The following BCAS3 variants were observed in gnomAD, a reference collection of about 807,000 sequenced individuals.
BCAS3 encodes the protein BCAS3 microtubule associated cell migration factor, also known as BCAS4/BCAS3 fusion.
A neutral mutation model predicts 116.1 loss-of-function variants in BCAS3; 53 were observed. The observed-to-expected ratio is 0.46, with a 90% confidence interval of 0.37 to 0.57. The LOEUF (loss-of-function observed/expected upper bound fraction) is 0.57, where lower values mean the gene tolerates loss of function less well. Ranked by LOEUF, BCAS3 falls within the 20% of genes least tolerant of loss-of-function variation. The pLI, the probability that BCAS3 is intolerant of heterozygous loss-of-function variation, is 0.00. For synonymous variants in BCAS3, 391 were observed against 408.2 expected, an observed-to-expected ratio of 0.96 and a Z score of 0.51; for missense variants, 917 against 1,165.4, an observed-to-expected ratio of 0.79 and a Z score of 3.10.
intron 7 of BCAS3, among the ~76,000 whole-genome samples, chr17:60,841,970 C>T (rs1469524054): frequency 1.3e-5 from 2 of 151,952 alleles, no homozygotes; most frequent in African/African-American, 4.8e-5. Flanking sequence ...TTTCGAGGTG[C>T]TGGAAATGTA....
chr17:61,191,796 A>AAAAGT (rs1568544354), intron 22 of BCAS3, among the ~76,000 whole-genome samples: 1 of 151,750 alleles, frequency 6.6e-6, no homozygotes, highest in African/African-American at 2.4e-5. Flanking sequence ...AAAAGAAAAG[A>AAAAGT]AAAGAAAAGA....
At chr17:60,840,650 C>T (rs775104484) in intron 7 of BCAS3, among the ~76,000 whole-genome samples, 1 of 152,042 alleles carries the variant, frequency 6.6e-6, no homozygotes, top group Non-Finnish European at 1.5e-5. Flanking sequence ...ACGTAGAAAC[C>T]GTTGGATCTG....
intron 22 of BCAS3, among the ~76,000 whole-genome samples, chr17:61,195,543 CTT>C (rs112302026): frequency 4.9e-5 from 4 of 81,360 alleles, no homozygotes; most frequent in African/African-American, 1.1e-4. Context: ...CTTTTTCTTT[CTT>C]TTTTTTTTTT....
chr17:61,384,481 A>T (rs1161568581), intron 23 of BCAS3: 2 of 152,302 alleles, frequency 1.3e-5, no homozygotes, highest in Non-Finnish European at 2.9e-5. Context: ...ATGAGAAGTG[A>T]AGTGACTTGC....
chr17:61,043,492 G>A (rs1031391304), intron 19 of BCAS3, among the ~76,000 whole-genome samples: 3 of 151,956 alleles, frequency 2.0e-5, no homozygotes, highest in Admixed American at 2.0e-4. Flanking sequence ...AGGCTGATGA[G>A]AAAAAATAAT....
In BCAS3 at chr17:61,021,740, A is replaced by G. The variant is rs1489935599; in HGVS notation, c.1637+5839A>G. Among the ~76,000 whole-genome samples, 1 of 152,204 alleles carries G rather than the reference A, an allele frequency of 6.6e-6. No homozygotes were observed. Among genetic ancestry groups the G allele is most frequent in the African/African-American group, 2.4e-5 (1 of 41,454 alleles). ...TGGAAGCATTAAATAGCATTTATTC[A>G]GACACATCCAGTTGATATTTGTAGA... On this transcript the variant is annotated intron_variant, in intron 16 of 23. Transcript: ENST00000407086. The surrounding 1 kb of genome is among the most constrained non-coding windows in gnomAD (Gnocchi z 4.6).
chr17:60,988,136 G>T (rs1317789780), intron 14 of BCAS3, among the ~76,000 whole-genome samples: 1 of 150,670 alleles, frequency 6.6e-6, no homozygotes, highest in African/African-American at 2.4e-5. Flanking sequence ...ATTGATTTGT[G>T]TATGTTATAC....
chr17:61,146,933 A>G (rs2077250136), intron 22 of BCAS3, among the ~76,000 whole-genome samples: 1 of 152,006 alleles, frequency 6.6e-6, no homozygotes, highest in South Asian at 2.1e-4. Context: ...AAATTTTTTT[A>G]AGACAGGGTC....
Position 61,239,602 on chromosome 17 carries a change from A to G in BCAS3, c.2426-128725A>G, listed in dbSNP as rs2083310846. ...ATTTACTCTGAGTGATCATGTTTCA[A>G]TGTGTTAATGTTTTAGGAGTAGCAG... On this transcript the variant is annotated intron_variant, in intron 22 of 23. Transcript: ENST00000407086. This position sits in a 1 kb window ranked among gnomAD's most constrained non-coding sequence, Gnocchi z 4.2. 6.6e-6 allele frequency among the ~76,000 whole-genome samples: 1 copy of G among 152,238 alleles called. No homozygotes were observed. Among genetic ancestry groups the G allele is most frequent in the Non-Finnish European group, 1.5e-5 (1 of 68,038 alleles).
chr17:60,769,476 C>T (rs373854238), intron 6 of BCAS3, among the ~76,000 whole-genome samples: 8 of 152,184 alleles, frequency 5.3e-5, no homozygotes, highest in African/African-American at 1.9e-4. Context: ...TGGCCTGGTG[C>T]TGGAGGCAGC....
In BCAS3 at chr17:61,243,338, G is replaced by C. The variant is rs373750454; in HGVS notation, c.2426-124989G>C. 6.6e-6 allele frequency among the ~76,000 whole-genome samples: 1 copy of C among 152,182 alleles called. No individual in the cohort carries two copies. Among genetic ancestry groups the C allele is most frequent in the Admixed American group, 6.5e-5 (1 of 15,284 alleles). Reference sequence around the variant, plus strand: ...ATTTAAAGCTGAGTAATATTCCATTGTGTCTATATACTATATTTTCTTTAT... The same window carrying C: ...ATTTAAAGCTGAGTAATATTCCATTCTGTCTATATACTATATTTTCTTTAT... On this transcript the variant is annotated intron_variant, in intron 22 of 23. Transcript: ENST00000407086. The surrounding 1 kb of genome is among the most constrained non-coding windows in gnomAD (Gnocchi z 5.6).
rs2079964584 is a variant in BCAS3, at chr17:61,189,319, G to T, written c.2425+104755G>T. Among the ~76,000 whole-genome samples the T allele has an allele frequency of 6.6e-6, 1 of 152,108 alleles. No homozygotes were observed. The highest frequency in any genetic ancestry group is 1.5e-5 in the Non-Finnish European group (1 of 68,008). ...AGGCACAGTAGCAAGAGAAGCCATG[G>T]TATATTCAAAGAGCTCATAAGGAGG... is the stretch of plus-strand genomic sequence containing the variant. On this transcript the variant is annotated intron_variant, in intron 22 of 23. Coordinates refer to ENST00000407086, the MANE Select transcript of BCAS3 (RefSeq NM_017679.5). The surrounding 1 kb of genome is among the most constrained non-coding windows in gnomAD (Gnocchi z 4.5).
At chr17:60,691,148 G>T (rs2034767515) in intron 4 of BCAS3, among the ~76,000 whole-genome samples, 1 of 151,992 alleles carries the variant, frequency 6.6e-6, no homozygotes, top group African/African-American at 2.4e-5. Flanking sequence ...GGTTAGGCTG[G>T]TCTCAATCTC....
At chr17:61,191,590 A>G (rs1263232390) in intron 22 of BCAS3, among the ~76,000 whole-genome samples, 2 of 151,820 alleles carry the variant, frequency 1.3e-5, no homozygotes, top group Non-Finnish European at 2.9e-5. Flanking sequence ...GCTGGCTAAC[A>G]TGGTGAAACC....
chr17:60,958,425 G>C (rs1247119684), intron 14 of BCAS3, among the ~76,000 whole-genome samples: 1 of 152,110 alleles, frequency 6.6e-6, no homozygotes, highest in Non-Finnish European at 1.5e-5. Context: ...AAAATCAGTT[G>C]CATTTCTATA....
At chr17:60,695,062 G>C (rs2035399782) in intron 4 of BCAS3, among the ~76,000 whole-genome samples, 1 of 151,082 alleles carries the variant, frequency 6.6e-6, no homozygotes, top group South Asian at 2.1e-4. Context: ...TGTAGCATGT[G>C]TCAGAATTTT....
At chr17:61,147,995 A>AAG (rs1282532215) in intron 22 of BCAS3, among the ~76,000 whole-genome samples, 2 of 151,658 alleles carry the variant, frequency 1.3e-5, no homozygotes, top group African/African-American at 2.4e-5. Context: ...TCAGAAAAAA[A>AAG]AAGAAAGAAA....
chr17:61,365,882 C>T lies in BCAS3; in HGVS notation c.2426-2445C>T, dbSNP rs2058702606. On this transcript the variant is annotated intron_variant, in intron 22 of 23. Coordinates refer to ENST00000407086, the MANE Select transcript of BCAS3 (RefSeq NM_017679.5). This position sits in a 1 kb window ranked among gnomAD's most constrained non-coding sequence, Gnocchi z 4.6. The stretch of plus-strand genomic sequence containing the variant: ...TAGCAGCCAGGTGCGGTGGCTCACA[C>T]CTGGAATCCCAGCACTTTGGGAGGC... Among the ~76,000 whole-genome samples, 1 of 151,988 alleles carries T rather than the reference C, an allele frequency of 6.6e-6. No homozygotes were observed. Among genetic ancestry groups the T allele is most frequent in the Admixed American group, 6.5e-5 (1 of 15,270 alleles).
In BCAS3 at chr17:60,770,842, T is replaced by G. The variant is rs1355413082; in HGVS notation, c.403+23563T>G. ...ACCTAAAACTGAAATTTGTTTTTTT[T>G]TTTTTTTTTTTTTTTTTTTTTTTGA... On this transcript the variant is annotated intron_variant, in intron 6 of 23. Transcript: ENST00000407086. Among the ~76,000 whole-genome samples, 44 of 70,352 alleles carry G rather than the reference T, an allele frequency of 6.3e-4. No individual in the cohort carries two copies. The African/African-American group carries it at 0.015, about 23-fold the overall frequency. The allele number at this position is 70,352 out of a possible 152,430, so 46.2% of individuals were successfully genotyped here.
Sources: gnomAD v4.1 joint callset for allele counts (sites outside exome capture counted in the v4.1 genomes callset) on GRCh38, gnomAD v4.1.1 for gene constraint, Gnocchi (gnomAD v3.1) non-coding constraint, MANE v1.5 for transcripts, NCBI Gene and HGNC (gene_info 2026-07-23, HGNC 2026-07-21) for gene names.